SEZ6L: variants seen among roughly 807,000 people sequenced by gnomAD.
SEZ6L encodes seizure 6-like protein.
A neutral mutation model predicts 106.2 loss-of-function variants in SEZ6L; 37 were observed. The ratio of observed to expected loss-of-function variants is 0.35; its 90% CI spans 0.27 to 0.46. SEZ6L has a LOEUF of 0.46. SEZ6L is among the 20% of genes least tolerant of loss of function. The probability of loss-of-function intolerance (pLI) is 1.00; values close to 1 mark genes in which losing one functional copy is unlikely to be tolerated. For synonymous variants in SEZ6L, 541 were observed against 570.4 expected, an observed-to-expected ratio of 0.95 and a Z score of 0.73; for missense variants, 1,172 against 1,332.8, an observed-to-expected ratio of 0.88 and a Z score of 1.88.
chr22:26,280,526 TTC>T (rs1425466476), intron 1 of SEZ6L, among the ~76,000 whole-genome samples: 1 of 152,358 alleles, frequency 6.6e-6, no homozygotes, highest in African/African-American at 2.4e-5. Flanking sequence ...GGTTTTTGTT[TTC>T]TTTTTAGAAG....
rs559681063 is a variant in SEZ6L at position 26,375,440 on chromosome 22, C to G, written c.2828-135C>G. ...TTTCCTCTAGTCTTTGGAGATGGCT[C>G]TGCAAGGTCTAAGGCCCTCCCAGAG... On this transcript the variant is annotated intron_variant, in intron 14 of 16. Coordinates refer to ENST00000248933, the MANE Select transcript of SEZ6L (RefSeq NM_021115.5). The G allele has an allele frequency of 3.5e-5, 24 of 685,586 alleles. No homozygotes were observed. In the South Asian group the frequency reaches 3.9e-4, roughly 11 times the overall value. 42.5% of individuals were successfully genotyped at this position (685,586 alleles called of 1,614,324 possible).
chr22:26,256,040 G>T (rs1381495716), intron 1 of SEZ6L, among the ~76,000 whole-genome samples: 1 of 152,136 alleles, frequency 6.6e-6, no homozygotes, highest in East Asian at 1.9e-4. Flanking sequence ...GGAAGAGGAA[G>T]AGAGTTCTAT....
At chr22:26,262,924 T>G (rs2080062494) in intron 1 of SEZ6L, among the ~76,000 whole-genome samples, 1 of 152,234 alleles carries the variant, frequency 6.6e-6, no homozygotes, top group African/African-American at 2.4e-5. Context: ...ACAAAATTAC[T>G]AAGCTCATAT....
chr22:26,213,751 T>C (rs1602053189), intron 1 of SEZ6L, among the ~76,000 whole-genome samples: 1 of 152,280 alleles, frequency 6.6e-6, no homozygotes. Flanking sequence ...CAAGACCCTG[T>C]CTTTACAGAA....
At chr22:26,365,690 T>G in intron 13 of SEZ6L, 124 bp downstream of exon 13, 2 of 778,868 alleles carry the variant, frequency 2.6e-6, no homozygotes, top group Non-Finnish European at 3.9e-6. Flanking sequence ...CGAGGCAACA[T>G]AGTGAGACCC....
chr22:26,233,797 G>A (rs1377994484), intron 1 of SEZ6L, among the ~76,000 whole-genome samples: 1 of 152,190 alleles, frequency 6.6e-6, no homozygotes, highest in Non-Finnish European at 1.5e-5. Flanking sequence ...TTGGGGTATG[G>A]GGGAAGAGGG....
intron 1 of SEZ6L, among the ~76,000 whole-genome samples, chr22:26,289,428 T>A (rs2145875712): frequency 6.6e-6 from 1 of 152,364 alleles, no homozygotes; most frequent in South Asian, 2.1e-4. Flanking sequence ...AAGAGGCTGC[T>A]GAACCTCAGC....
At chr22:26,186,831 G>A (rs531386006) in intron 1 of SEZ6L, among the ~76,000 whole-genome samples, 1 of 152,306 alleles carries the variant, frequency 6.6e-6, no homozygotes, top group South Asian at 2.1e-4. Flanking sequence ...ATAGGGCAGG[G>A]AGGACTTGCT....
chr22:26,354,931 G>A (rs529494767), intron 12 of SEZ6L, among the ~76,000 whole-genome samples: 2 of 152,360 alleles, frequency 1.3e-5, no homozygotes, highest in South Asian at 2.1e-4. Context: ...AGCCCTGCGT[G>A]TGGTGGCAGC....
At chr22:26,216,843 T>C (rs1192643098) in intron 1 of SEZ6L, among the ~76,000 whole-genome samples, 4 of 152,162 alleles carry the variant, frequency 2.6e-5, no homozygotes, top group Admixed American at 6.5e-5. Flanking sequence ...TCATTCTCAT[T>C]ATTGTCCCCA....
chr22:26,341,168 G>T (rs1038056010), intron 10 of SEZ6L, among the ~76,000 whole-genome samples: 2 of 151,818 alleles, frequency 1.3e-5, no homozygotes, highest in Admixed American at 1.3e-4. Context: ...CCTTCCTTTC[G>T]CACTTCTTGT....
At chr22:26,297,871 C>T (rs2081345876) in intron 4 of SEZ6L, among the ~76,000 whole-genome samples, 4 of 151,696 alleles carry the variant, frequency 2.6e-5, no homozygotes, top group Admixed American at 2.6e-4. Flanking sequence ...TTCTTCCCCT[C>T]TCCTCCACCC....
chr22:26,199,413 G>A (rs933289096), intron 1 of SEZ6L, among the ~76,000 whole-genome samples: 1 of 152,156 alleles, frequency 6.6e-6, no homozygotes, highest in Admixed American at 6.5e-5. Context: ...GATTTAACTT[G>A]TATCTATTCA....
rs201773377 is a variant in SEZ6L at position 26,217,998 on chromosome 22, C to T, written c.94+48235C>T. Among the ~76,000 whole-genome samples the T allele has an allele frequency of 4.6e-5, 7 of 152,224 alleles. No homozygotes were observed. The East Asian group carries it at 1.3e-3, about 29-fold the overall frequency. ...GACCCTTCTCTGTCCTGTCAATCTC[C>T]TGGGTGCTGGAGAGCAGAGGTAAAT... On this transcript the variant is annotated intron_variant, in intron 1 of 16. Transcript: ENST00000248933.
intron 1 of SEZ6L, among the ~76,000 whole-genome samples, chr22:26,178,444 G>A (rs983985815): frequency 6.6e-6 from 1 of 152,208 alleles, no homozygotes; most frequent in Admixed American, 6.5e-5. Context: ...TGGAGAGCAG[G>A]GAAGGATTGA....
chr22:26,233,054 A>C (rs1433126485), intron 1 of SEZ6L, among the ~76,000 whole-genome samples: 1 of 152,246 alleles, frequency 6.6e-6, no homozygotes, highest in Non-Finnish European at 1.5e-5. Flanking sequence ...GCAGAGACAC[A>C]AATTTTCCAT....
intron 12 of SEZ6L, among the ~76,000 whole-genome samples, chr22:26,357,852 C>T (rs1273996505): frequency 6.6e-6 from 1 of 152,168 alleles, no homozygotes; most frequent in Non-Finnish European, 1.5e-5. Flanking sequence ...GTAACCATCC[C>T]AAAGACATAA....
At chr22:26,366,395 A>G (rs1242985093) in intron 13 of SEZ6L, among the ~76,000 whole-genome samples, 1 of 152,072 alleles carries the variant, frequency 6.6e-6, no homozygotes, top group Non-Finnish European at 1.5e-5. Context: ...GAAAATGTTC[A>G]AATGAAAATA....
intron 1 of SEZ6L, among the ~76,000 whole-genome samples, chr22:26,252,635 A>G (rs1355256234): frequency 4.6e-5 from 7 of 152,132 alleles, no homozygotes; most frequent in Admixed American, 4.6e-4. Context: ...TATGCATCCA[A>G]TGTTTAGCTT....
Sources: allele counts gnomAD v4.1 joint callset (sites outside exome capture counted in the v4.1 genomes callset), GRCh38; gene constraint gnomAD v4.1.1; transcripts MANE v1.5; gene names NCBI Gene and HGNC (gene_info 2026-07-23, HGNC 2026-07-21).